The following SYNRG variants were observed in gnomAD, a reference collection of about 807,000 sequenced individuals.
SYNRG encodes synergin gamma, also known as AP1 gamma subunit binding protein 1.
Under a neutral mutation model 130.9 loss-of-function variants are expected in SYNRG, and 37 were observed. That is an observed-to-expected ratio of 0.28 (90% CI 0.22 to 0.37). The LOEUF is 0.37. SYNRG is among the 10% of genes least tolerant of loss of function. SYNRG has a pLI of 1.00. For missense variants in SYNRG, 1,338 were observed against 1,588.9 expected, an observed-to-expected ratio of 0.84 and a Z score of 2.68; for synonymous variants, 539 against 568.1, an observed-to-expected ratio of 0.95 and a Z score of 0.73.
intron 5 of SYNRG, 44 bp from the exon 6 acceptor site, chr17:37,584,803 A>C (rs776538705): frequency 7.5e-6 from 11 of 1,466,100 alleles, no homozygotes; most frequent in Non-Finnish European, 1.0e-5. Flanking sequence ...CTTATCCCTC[A>C]CTGTATCCTA....
At chr17:37,548,473 G>A (rs2058451021) in intron 14 of SYNRG, among the ~76,000 whole-genome samples, 1 of 152,018 alleles carries the variant, frequency 6.6e-6, no homozygotes, top group South Asian at 2.1e-4. Flanking sequence ...TTCTTAAATG[G>A]CATATTTAAG....
Position 37,586,564 on chromosome 17 carries a change from C to T in SYNRG, c.241-15G>A, listed in dbSNP as rs1203167167. The T allele has an allele frequency of 6.2e-7, 1 of 1,613,016 alleles. No homozygotes were observed. The highest frequency in any genetic ancestry group is 1.3e-5 in the African/African-American group (1 of 74,846). Reference sequence around the variant, plus strand: ...GGTATTCCTGCCTAGAAGAAACAGACAAAGGCTTAAAAAACACAATTTATC... The same window carrying T: ...GGTATTCCTGCCTAGAAGAAACAGATAAAGGCTTAAAAAACACAATTTATC... On this transcript the variant is annotated splice_polypyrimidine_tract_variant and intron_variant, in intron 3 of 21. Transcript: ENST00000612223.
At chr17:37,576,191 T>C in intron 8 of SYNRG, 150 bp downstream of exon 8, 2 of 667,282 alleles carry the variant, frequency 3.0e-6, no homozygotes, top group Non-Finnish European at 5.1e-6. Flanking sequence ...ACACGACATT[T>C]ATTTAATTTC....
intron 19 of SYNRG, among the ~76,000 whole-genome samples, chr17:37,534,645 T>A (rs967656831): frequency 6.6e-6 from 1 of 152,194 alleles, no homozygotes; most frequent in Admixed American, 6.5e-5. Context: ...TTTTTTTTTT[T>A]AATTATCTAC....
chr17:37,602,956 G>A (rs966630848), intron 1 of SYNRG, among the ~76,000 whole-genome samples: 12 of 152,260 alleles, frequency 7.9e-5, no homozygotes, highest in African/African-American at 2.4e-4. Context: ...CCCAGGAGGC[G>A]GAGGTTGCAG....
chr17:37,570,580 T>A, intron 10 of SYNRG, 57 bp downstream of exon 10: 1 of 1,551,976 alleles, frequency 6.4e-7, no homozygotes. Flanking sequence ...CCGGAAAAAA[T>A]GGTGCCCAGA....
chr17:37,556,872 GCTTTGAAATAT>G (rs2145504721), intron 13 of SYNRG, among the ~76,000 whole-genome samples: 1 of 152,270 alleles, frequency 6.6e-6, no homozygotes, highest in African/African-American at 2.4e-5. Flanking sequence ...TTAATGTGTT[GCTTTGAAATAT>G]CTGTGAAATT....
At chr17:37,532,534 G>A (rs59631721) in intron 19 of SYNRG, among the ~76,000 whole-genome samples, 259 of 152,032 alleles carry the variant, frequency 1.7e-3, no homozygotes, top group African/African-American at 6.0e-3. Context: ...CTAGCTGGGC[G>A]TGGTGGCACG....
At chr17:37,560,867 G>A (rs1032175834) in intron 13 of SYNRG, among the ~76,000 whole-genome samples, 7 of 151,844 alleles carry the variant, frequency 4.6e-5, no homozygotes, top group Admixed American at 1.3e-4. Context: ...GTTTTGCCAC[G>A]TTGGCCAGGC....
chr17:37,536,008 T>C lies in SYNRG; in HGVS notation c.3637A>G (p.Ile1213Val). 1 of 1,613,978 alleles carries C rather than the reference T, an allele frequency of 6.2e-7. No homozygotes were observed. Among genetic ancestry groups the C allele is most frequent in the African/African-American group, 1.3e-5 (1 of 75,038 alleles). Reference protein sequence around the residue: ...KDIDKVWNNLIGFMSLATLTP... With the variant: ...KDIDKVWNNLVGFMSLATLTP... ...AGTGTGGCGAGTGACATGAAGCCGATTAGGTTATTCCATACTTTATCGATG... is the reference window on the plus strand; with the variant it reads ...AGTGTGGCGAGTGACATGAAGCCGACTAGGTTATTCCATACTTTATCGATG... The change falls in exon 19 of 22, where the codon ATC becomes GTC. Residue 1213 changes from isoleucine (I) to valine (V), a missense_variant. Ile to Val is a conservative substitution (Grantham distance 29). Around this residue, in one of 3 missense-constraint regions of SYNRG, gnomAD observed 1,146 missense variants for 1,342.3 expected, o/e 0.85. Transcript: ENST00000612223.
At position 37,553,493 on chromosome 17, in the gene SYNRG, T is replaced by C. The variant is rs751878597; in HGVS notation, c.2230A>G (p.Lys744Glu). The C allele has an allele frequency of 4.3e-6, 7 of 1,614,040 alleles. No individual in the cohort carries two copies. The highest frequency in any genetic ancestry group is 5.9e-6 in the Non-Finnish European group (7 of 1,180,024). The change falls in exon 14 of 22, where the codon AAG (lysine) becomes GAG (glutamate). Residue 744 changes from lysine to glutamate, a missense_variant. Physicochemically the swap from Lys to Glu is moderately conservative, Grantham distance 56. Coordinates refer to ENST00000612223, the MANE Select transcript of SYNRG (RefSeq NM_007247.6). ...GGQNSTAAST[K>E]YDVFRQLSLE... ...GAAAGTTGTCTGAAGACATCGTACT[T>C]GGTAGACGCAGCAGTCGAGTTTTGT...
At chr17:37,600,167 C>G (rs1436014052) in intron 2 of SYNRG, among the ~76,000 whole-genome samples, 196 bp downstream of exon 2, 1 of 152,152 alleles carries the variant, frequency 6.6e-6, no homozygotes, top group Non-Finnish European at 1.5e-5. Flanking sequence ...AGGAGTGATC[C>G]TTATTACTCC....
chr17:37,540,620 C>T (rs2057661059), intron 15 of SYNRG, 77 bp from the exon 16 acceptor site: 1 of 1,068,132 alleles, frequency 9.4e-7, no homozygotes, highest in African/African-American at 1.6e-5. Context: ...CTCGCTACCA[C>T]AACCCTCTTC....
rs142297079 is a variant in SYNRG at position 37,528,885 on chromosome 17, A to G, written c.3666+7094T>C. On this transcript the variant is annotated intron_variant, in intron 19 of 21. Transcript: ENST00000612223. ...TATCAAGGGTACAATGACATGGTAT[A>G]ATCTGGGCAAAGAATGATTGTTGTT... is the stretch of plus-strand genomic sequence containing the variant. 1.2e-3 allele frequency among the ~76,000 whole-genome samples: 186 copies of G among 152,328 alleles called. 1 individual carries two copies. The highest frequency in any genetic ancestry group is 0.01 in the Middle Eastern group (3 of 294).
chr17:37,602,015 CAAAT>C (rs923684845), intron 1 of SYNRG, among the ~76,000 whole-genome samples: 22 of 150,364 alleles, frequency 1.5e-4, no homozygotes, highest in Admixed American at 6.6e-4. Context: ...GATTCCGTCT[CAAAT>C]AAATAAATAA....
chr17:37,557,880 T>C lies in SYNRG; in HGVS notation c.1663+3315A>G, dbSNP rs115502182. ...AAAAAAGGTATTGAAAAGGCAGGAC[T>C]AAGGTACTGCTTACATTTTGGTGAC... is the stretch of plus-strand genomic sequence containing the variant. On this transcript the variant is annotated intron_variant, in intron 13 of 21. Transcript: ENST00000612223. Among the ~76,000 whole-genome samples, 586 of 152,260 alleles carry C rather than the reference T, an allele frequency of 3.8e-3. 4 individuals are homozygous for C. Among genetic ancestry groups the C allele is most frequent in the African/African-American group, 0.013 (559 of 41,542 alleles).
At chr17:37,545,908 T>A (rs2058240751) in intron 14 of SYNRG, among the ~76,000 whole-genome samples, 1 of 152,214 alleles carries the variant, frequency 6.6e-6, no homozygotes, top group African/African-American at 2.4e-5. Flanking sequence ...ATAAGGAATG[T>A]GAGACAGAAC....
At chr17:37,573,306 G>A (rs2060575988) in intron 8 of SYNRG, among the ~76,000 whole-genome samples, 1 of 152,148 alleles carries the variant, frequency 6.6e-6, no homozygotes, top group African/African-American at 2.4e-5. Context: ...AGGAGGCTGA[G>A]GCAGGAGAAC....
chr17:37,593,936 G>T (rs934246568), intron 3 of SYNRG, among the ~76,000 whole-genome samples: 11 of 150,816 alleles, frequency 7.3e-5, no homozygotes, highest in African/African-American at 2.7e-4. Context: ...CTGTCAGCAA[G>T]ATTAAAGGTT....
Sources: allele counts gnomAD v4.1 joint callset (sites outside exome capture counted in the v4.1 genomes callset), GRCh38; gene constraint gnomAD v4.1.1; regional missense constraint gnomAD v4.1.1; transcripts MANE v1.5; gene names NCBI Gene and HGNC (gene_info 2026-07-23, HGNC 2026-07-21).